Variants in BMERB1 observed in about 807,000 individuals in gnomAD.
The protein encoded by BMERB1 is bMERB domain containing 1, also known as bMERB domain-containing protein 1.
A neutral mutation model predicts 23.6 loss-of-function variants in BMERB1; 12 were observed. That is an observed-to-expected ratio of 0.51 (90% CI 0.33 to 0.82). BMERB1 has a LOEUF of 0.82. BMERB1 is among the 40% of genes least tolerant of loss of function. The pLI is 0.03. For missense variants in BMERB1, 247 were observed against 255.4 expected (o/e 0.97, Z 0.22); for synonymous variants, 122 against 96.6 (o/e 1.26, Z -1.54).
chr16:15,519,477 G>A (rs1327834091), intron 2 of BMERB1, among the ~76,000 whole-genome samples: 3 of 152,042 alleles, frequency 2.0e-5, no homozygotes, highest in Admixed American at 1.3e-4. Context: ...TGCAACCTCC[G>A]TCTCCTGGGT....
chr16:15,473,215 A>G (rs1354134229), intron 1 of BMERB1, among the ~76,000 whole-genome samples: 1 of 152,060 alleles, frequency 6.6e-6, no homozygotes, highest in East Asian at 1.9e-4. Flanking sequence ...TAAGTACCCA[A>G]ATAAGATAAA....
Position 15,515,371 on chromosome 16 carries a change from C to T in BMERB1, c.173C>T (p.Ala58Val), listed in dbSNP as rs768955974. The change falls in exon 2 of 6, where the codon GCA becomes GTA. Residue 58 changes from alanine to valine, a missense_variant. Coordinates refer to ENST00000300006, the MANE Select transcript of BMERB1 (RefSeq NM_033201.3). ...CCAGAGGAGATTGAGCTGGAGATGG[C>T]AAAAATTCAGCGTCTCCGGGAAGTC... ...MMPEEIELEM[A>V]KIQRLREVLV... 39 of 1,613,776 alleles carry T rather than the reference C, an allele frequency of 2.4e-5. No homozygotes were observed. Among genetic ancestry groups the T allele is most frequent in the Non-Finnish European group, 3.2e-5 (38 of 1,180,000 alleles).
intron 2 of BMERB1, chr16:15,536,496 C>T (rs541492629): frequency 6.6e-6 from 1 of 152,434 alleles, no homozygotes; most frequent in East Asian, 1.9e-4. Context: ...TGTAGAAGGT[C>T]TAATTCCTAT....
chr16:15,486,139 C>G (rs190667103), intron 1 of BMERB1, among the ~76,000 whole-genome samples: 17 of 147,820 alleles, frequency 1.2e-4, no homozygotes, highest in African/African-American at 4.0e-4. Flanking sequence ...GAGGCAGAGA[C>G]TGCAGTGAGC....
chr16:15,495,928 TG>T (rs1284949585), intron 1 of BMERB1, among the ~76,000 whole-genome samples: 2 of 149,440 alleles, frequency 1.3e-5, no homozygotes, highest in African/African-American at 5.1e-5. Flanking sequence ...ATTCTGAGTT[TG>T]GCTGCTTTTT....
At chr16:15,489,750 G>A (rs555840373) in intron 1 of BMERB1, among the ~76,000 whole-genome samples, 11 of 152,158 alleles carry the variant, frequency 7.2e-5, no homozygotes, top group East Asian at 1.9e-4. Flanking sequence ...CTCCTCCCAC[G>A]CCACAGAGTC....
chr16:15,535,812 C>T (rs998011343), intron 2 of BMERB1, among the ~76,000 whole-genome samples: 5 of 151,920 alleles, frequency 3.3e-5, no homozygotes, highest in East Asian at 3.9e-4. Context: ...CTCACAGTTT[C>T]GCATGGCTGG....
intron 2 of BMERB1, among the ~76,000 whole-genome samples, chr16:15,527,998 A>G (rs1283083327): frequency 1.3e-5 from 2 of 152,164 alleles, no homozygotes; most frequent in Non-Finnish European, 2.9e-5. Flanking sequence ...GCCACCACCC[A>G]GGTTCACATG....
At chr16:15,500,459 C>T (rs1252431816) in intron 1 of BMERB1, among the ~76,000 whole-genome samples, 1 of 152,090 alleles carries the variant, frequency 6.6e-6, no homozygotes, top group East Asian at 1.9e-4. Flanking sequence ...GAAGTCCTTT[C>T]ATGAGAGCAG....
chr16:15,437,862 A>G (rs936416302), intron 1 of BMERB1, among the ~76,000 whole-genome samples: 6 of 151,828 alleles, frequency 4.0e-5, no homozygotes, highest in African/African-American at 1.2e-4. Context: ...GGAGGCTGAC[A>G]CAGGAGAATG....
rs144645684 is a variant in BMERB1, at chr16:15,553,268, G to A, written c.231-14715G>A. Among the ~76,000 whole-genome samples the A allele has an allele frequency of 1.4e-3, 210 of 152,326 alleles. No individual in the cohort carries two copies. The Middle Eastern group carries it at 0.017, about 12-fold the overall frequency. ...ATTGATCCACCTGCCTCGGCCTCCC[G>A]AAGTGCTGTGACTACAGGCATGAGC... On this transcript the variant is annotated intron_variant, in intron 2 of 5. Transcript: ENST00000300006.
intron 2 of BMERB1, among the ~76,000 whole-genome samples, chr16:15,530,504 G>A (rs983672124): frequency 1.3e-5 from 2 of 152,130 alleles, no homozygotes; most frequent in African/African-American, 2.4e-5. Context: ...TAATTCCTGG[G>A]CTCAAACAAT....
intron 2 of BMERB1, among the ~76,000 whole-genome samples, chr16:15,559,729 C>T (rs985519813): frequency 6.6e-5 from 10 of 152,040 alleles, no homozygotes; most frequent in Admixed American, 3.3e-4. Context: ...AGCTTGGGGT[C>T]GGGGGACAAG....
intron 4 of BMERB1, among the ~76,000 whole-genome samples, chr16:15,582,949 C>G (rs2031053032): frequency 6.6e-6 from 1 of 152,142 alleles, no homozygotes; most frequent in African/African-American, 2.4e-5. Flanking sequence ...TCTGGGTAAG[C>G]ATTTACCCCA....
At chr16:15,498,751 G>C (rs1481286485) in intron 1 of BMERB1, among the ~76,000 whole-genome samples, 1 of 152,242 alleles carries the variant, frequency 6.6e-6, no homozygotes, top group African/African-American at 2.4e-5. Context: ...CTAAACCCGT[G>C]GTTTTCAACA....
intron 1 of BMERB1, among the ~76,000 whole-genome samples, chr16:15,467,393 G>T (rs980424088): frequency 6.6e-6 from 1 of 152,178 alleles, no homozygotes; most frequent in Non-Finnish European, 1.5e-5. Context: ...TCTGATAGGT[G>T]TGCAGTGACA....
intron 1 of BMERB1, 130 bp downstream of exon 1, chr16:15,434,889 C>G: frequency 1.4e-6 from 1 of 739,514 alleles, no homozygotes; most frequent in Middle Eastern, 3.9e-4. Flanking sequence ...GGGCTGGCAG[C>G]TCAGGGGGAT....
intron 5 of BMERB1, chr16:15,584,331 G>A (rs891947903): frequency 1.3e-4 from 42 of 311,784 alleles, no homozygotes; most frequent in Non-Finnish European, 2.1e-4. Flanking sequence ...AGGCCGAGGC[G>A]GGCGGATCAC....
At chr16:15,564,040 C>G (rs974625067) in intron 2 of BMERB1, among the ~76,000 whole-genome samples, 1 of 152,208 alleles carries the variant, frequency 6.6e-6, no homozygotes, top group Admixed American at 6.5e-5. Context: ...CTTGCTTCCA[C>G]TCTTGCCCTG....
Sources: gnomAD v4.1 joint callset for allele counts (sites outside exome capture counted in the v4.1 genomes callset) on GRCh38, gnomAD v4.1.1 for gene constraint, MANE v1.5 for transcripts, NCBI Gene and HGNC (gene_info 2026-07-23, HGNC 2026-07-21) for gene names.